WDR20: variants seen among roughly 807,000 people sequenced by gnomAD.
WDR20 encodes the protein WD repeat domain 20.
WDR20 carries 3 observed loss-of-function variants against 38.7 expected under a neutral mutation model. The observed-to-expected ratio is 0.08, with a 90% confidence interval of 0.04 to 0.20. The LOEUF (loss-of-function observed/expected upper bound fraction) is 0.20. WDR20 is among the 10% of genes least tolerant of loss of function. The probability of loss-of-function intolerance (pLI) is 1.00; values close to 1 mark genes in which losing one functional copy is unlikely to be tolerated. For synonymous variants in WDR20, 298 were observed against 285.6 expected, an observed-to-expected ratio of 1.04 and a Z score of -0.44; for missense variants, 559 against 727.7, an observed-to-expected ratio of 0.77 and a Z score of 2.67.
chr14:102,210,110 C>T lies in WDR20; in HGVS notation c.*230C>T. The T allele has an allele frequency of 1.5e-6, 2 of 1,308,266 alleles. No individual in the cohort carries two copies. The highest frequency in any genetic ancestry group is 1.9e-6 in the Non-Finnish European group (2 of 1,030,762). 81.0% of individuals were successfully genotyped at this position (1,308,266 alleles called of 1,614,324 possible). On this transcript the variant is annotated 3_prime_UTR_variant, in exon 3 of 3. Coordinates refer to ENST00000342702, the MANE Select transcript of WDR20 (RefSeq NM_144574.4). ...CTAATTGCCAGCCAAGTCAGTCATC[C>T]TCCTGGGAGTATATAGAGTCCCAAG...
At chr14:102,150,123 A>G (rs1298081637) in intron 1 of WDR20, among the ~76,000 whole-genome samples, 1 of 152,234 alleles carries the variant, frequency 6.6e-6, no homozygotes, top group Non-Finnish European at 1.5e-5. Context: ...AGGTTTTATA[A>G]GAAAGAAGCA....
chr14:102,214,919 A>G (rs929199371), downstream of WDR20: 1 of 985,000 alleles, frequency 1.0e-6, no homozygotes, highest in African/African-American at 1.7e-5. Flanking sequence ...AGCTAACAAG[A>G]CTTACTACAT....
chr14:102,167,973 G>C (rs1321886196), intron 1 of WDR20, among the ~76,000 whole-genome samples: 1 of 152,178 alleles, frequency 6.6e-6, no homozygotes, highest in Non-Finnish European at 1.5e-5. Flanking sequence ...GTATGCAGTA[G>C]GTATTTGGTT....
chr14:102,169,104 A>G (rs1566891606), intron 1 of WDR20, among the ~76,000 whole-genome samples: 1 of 151,900 alleles, frequency 6.6e-6, no homozygotes, highest in East Asian at 1.9e-4. Context: ...TATTCCATCC[A>G]TTGCATTCCA....
downstream of WDR20, among the ~76,000 whole-genome samples, chr14:102,212,190 C>T (rs973830078): frequency 6.6e-6 from 1 of 152,316 alleles, no homozygotes; most frequent in African/African-American, 2.4e-5. Flanking sequence ...TTTCTCCCCC[C>T]ACCTCCAGTT....
intron 1 of WDR20, among the ~76,000 whole-genome samples, chr14:102,182,511 TTGA>T (rs1275908872): frequency 6.6e-6 from 1 of 152,174 alleles, no homozygotes; most frequent in African/African-American, 2.4e-5. Flanking sequence ...TTATCATCTG[TTGA>T]TGATATATCA....
intron 1 of WDR20, among the ~76,000 whole-genome samples, chr14:102,154,857 A>T (rs1340059843): frequency 6.6e-6 from 1 of 152,346 alleles, no homozygotes; most frequent in South Asian, 2.1e-4. Flanking sequence ...TATGGGAGGT[A>T]AGGTCAGGCA....
chr14:102,213,784 G>A (rs532459531), downstream of WDR20: 11 of 985,448 alleles, frequency 1.1e-5, no homozygotes, highest in Admixed American at 4.3e-4. Flanking sequence ...GCCTGGGAGG[G>A]AGACGTTTTC....
chr14:102,169,940 G>C (rs1299096149), intron 1 of WDR20, among the ~76,000 whole-genome samples: 1 of 152,122 alleles, frequency 6.6e-6, no homozygotes, highest in South Asian at 2.1e-4. Context: ...AAAATTCAAA[G>C]AGCATGCAAT....
At chr14:102,183,038 TGGGCAACA>T (rs2063735076) in intron 1 of WDR20, among the ~76,000 whole-genome samples, 1 of 151,910 alleles carries the variant, frequency 6.6e-6, no homozygotes, top group South Asian at 2.1e-4. Context: ...CACTCCAGCC[TGGGCAACA>T]GAGCTCTCCG....
At chr14:102,187,416 G>GC (rs2065121672) in intron 1 of WDR20, among the ~76,000 whole-genome samples, 1 of 152,034 alleles carries the variant, frequency 6.6e-6, no homozygotes, top group Admixed American at 6.6e-5. Context: ...GGCTGGGGGG[G>GC]GGCTCAGGAG....
downstream of WDR20, among the ~76,000 whole-genome samples, chr14:102,217,909 A>G (rs1201404969): frequency 6.6e-6 from 1 of 152,196 alleles, no homozygotes; most frequent in Non-Finnish European, 1.5e-5. Context: ...CCCCAGGGTG[A>G]GATTCTGCCA....
At chr14:102,202,602 G>A (rs891078272) in intron 2 of WDR20, among the ~76,000 whole-genome samples, 6 of 151,776 alleles carry the variant, frequency 4.0e-5, no homozygotes, top group East Asian at 1.9e-4. Flanking sequence ...GGATGGTCTC[G>A]ATCTCCTGAC....
At chr14:102,157,663 G>T (rs1307725807) in intron 1 of WDR20, among the ~76,000 whole-genome samples, 1 of 152,124 alleles carries the variant, frequency 6.6e-6, no homozygotes, top group Non-Finnish European at 1.5e-5. Flanking sequence ...GGTGTCATTT[G>T]AATTCAGATG....
At chr14:102,224,385 C>CTGAG (rs1415509384), downstream of WDR20, 3 of 354,850 alleles carry the variant, frequency 8.5e-6, no homozygotes, top group Non-Finnish European at 1.6e-5. Context: ...TCGTGAGCAT[C>CTGAG]TGAGTTTAGG....
chr14:102,185,040 T>C (rs1168022089), intron 1 of WDR20, among the ~76,000 whole-genome samples: 1 of 152,164 alleles, frequency 6.6e-6, no homozygotes, highest in Non-Finnish European at 1.5e-5. Flanking sequence ...TACTGTTTTG[T>C]TTTGGAAGAT....
Position 102,209,583 on chromosome 14 carries a change from G to A in WDR20, c.1413G>A (p.Glu471=), listed in dbSNP as rs1360366937. The A allele has an allele frequency of 2.5e-6, 4 of 1,614,206 alleles. No individual in the cohort carries two copies. Among genetic ancestry groups the A allele is most frequent in the Non-Finnish European group, 3.4e-6 (4 of 1,180,040 alleles). ...CACTTTCACTACATGACCGGAAGGA[G>A]AGGCACCACGAGAAAGATCACAAGC... ...FATLSLHDRK[E]RHHEKDHKRN... Residue 471 remains glutamate (E), a synonymous_variant, in exon 3 of 3, where the codon GAG becomes GAA. Transcript: ENST00000342702. The surrounding 1 kb of genome is among the most constrained non-coding windows in gnomAD (Gnocchi z 6.0).
chr14:102,211,897 G>A (rs148376910), downstream of WDR20, among the ~76,000 whole-genome samples: 442 of 152,338 alleles, frequency 2.9e-3, 4 homozygotes, highest in African/African-American at 0.01. This position sits in a 1 kb window ranked among gnomAD's most constrained non-coding sequence, Gnocchi z 4.2. Context: ...CATTTCTGGC[G>A]ACCTTGCAGT....
Position 102,160,671 on chromosome 14 carries a change from G to T in WDR20, c.249+20499G>T, listed in dbSNP as rs144960137. On this transcript the variant is annotated intron_variant, in intron 1 of 2. Coordinates refer to ENST00000342702, the MANE Select transcript of WDR20 (RefSeq NM_144574.4). The stretch of plus-strand genomic sequence containing the variant: ...AAAAATATGAATAATGGCCGGGCGC[G>T]GTGGCTCACGCCCATAATCCCAGCA... Among the ~76,000 whole-genome samples the T allele has an allele frequency of 7.1e-3, 1,077 of 151,958 alleles. 19 individuals are homozygous for T. Among genetic ancestry groups the T allele is most frequent in the African/African-American group, 0.02 (848 of 41,376 alleles).
Sources: allele counts gnomAD v4.1 joint callset (sites outside exome capture counted in the v4.1 genomes callset), GRCh38; gene constraint gnomAD v4.1.1; non-coding constraint Gnocchi (gnomAD v3.1); transcripts MANE v1.5; gene names NCBI Gene and HGNC (gene_info 2026-07-23, HGNC 2026-07-21).